Variants in EYA4 observed in about 807,000 individuals in gnomAD.
EYA4 encodes the protein EYA transcriptional coactivator and phosphatase 4.
EYA4 carries 31 observed loss-of-function variants against 87.9 expected under a neutral mutation model. The observed-to-expected ratio is 0.35, with a 90% confidence interval of 0.27 to 0.48. EYA4 has a LOEUF of 0.48. EYA4 is among the 20% of genes least tolerant of loss of function. The pLI, the probability that EYA4 is intolerant of heterozygous loss-of-function variation, is 0.99. For synonymous variants in EYA4, 263 were observed against 270.6 expected (o/e 0.97, Z 0.28); for missense variants, 678 against 761.4 (o/e 0.89, Z 1.29).
chr6:133,300,718 T>C (rs973779810), intron 2 of EYA4, among the ~76,000 whole-genome samples: 5 of 152,142 alleles, frequency 3.3e-5, no homozygotes, highest in Admixed American at 2.6e-4. Context: ...TTTCACCATT[T>C]TGGGCAGGCA....
At chr6:133,383,787 C>G (rs1193966875) in intron 3 of EYA4, among the ~76,000 whole-genome samples, 3 of 152,004 alleles carry the variant, frequency 2.0e-5, no homozygotes, top group Non-Finnish European at 4.4e-5. Flanking sequence ...CAAAATGGAA[C>G]TAACTAATTT....
At chr6:133,252,217 T>A (rs1277754263) in intron 1 of EYA4, among the ~76,000 whole-genome samples, 1 of 152,246 alleles carries the variant, frequency 6.6e-6, no homozygotes, top group African/African-American at 2.4e-5. Context: ...ACTTTTATTT[T>A]ATTTAGTCTG....
intron 3 of EYA4, among the ~76,000 whole-genome samples, chr6:133,395,262 G>C (rs955353252): frequency 5.4e-5 from 8 of 147,558 alleles, no homozygotes; most frequent in Non-Finnish European, 3.0e-5. Flanking sequence ...ATCCAGGTCA[G>C]GTACCTAGCA....
At position 133,531,944 on chromosome 6, in the gene EYA4, G is replaced by A. The variant is rs1490747619; in HGVS notation, c.*3139G>A. Reference sequence around the variant, plus strand: ...AAGTTGCACTTTGACTCCCAACTACGGTAGCATTATGGACATCTCACAATG... The same window carrying A: ...AAGTTGCACTTTGACTCCCAACTACAGTAGCATTATGGACATCTCACAATG... On this transcript the variant is annotated 3_prime_UTR_variant, in exon 20 of 20. Transcript: ENST00000355286. The A allele has an allele frequency of 2.6e-5, 4 of 151,914 alleles. No individual in the cohort carries two copies. Among genetic ancestry groups the A allele is most frequent in the Non-Finnish European group, 4.4e-5 (3 of 67,990 alleles). 9.4% of individuals were successfully genotyped at this position (151,914 alleles called of 1,614,324 possible).
In EYA4 at chr6:133,485,105, T is replaced by C. The variant is rs114598288; in HGVS notation, c.1191+1990T>C. ...CTCATAAACTGGCTTTAAGAGCAATTCCAAAAGCAAAGTTCAACTTCTCTC... is the reference window on the plus strand; with the variant it reads ...CTCATAAACTGGCTTTAAGAGCAATCCCAAAAGCAAAGTTCAACTTCTCTC... On this transcript the variant is annotated intron_variant, in intron 13 of 19. Transcript: ENST00000355286. 7.4e-3 allele frequency among the ~76,000 whole-genome samples: 1,122 copies of C among 152,266 alleles called. 18 individuals are homozygous for C. Among genetic ancestry groups the C allele is most frequent in the African/African-American group, 0.026 (1,073 of 41,542 alleles).
chr6:133,417,891 C>T (rs781646214), intron 3 of EYA4, among the ~76,000 whole-genome samples: 4 of 152,296 alleles, frequency 2.6e-5, no homozygotes, highest in South Asian at 2.1e-4. Context: ...CCCTTTCACT[C>T]ACCCCAAGCA....
At chr6:133,476,856 CCCATCCAAAATCTCATCTTGAATTGTAAT>C (rs899197662) in intron 11 of EYA4, among the ~76,000 whole-genome samples, 5 of 151,936 alleles carry the variant, frequency 3.3e-5, no homozygotes, top group African/African-American at 1.2e-4. Context: ...TGGTGGTGTC[CCCATCCAAAATCTCATCTTGAATTGTAAT>C]CCCCCTAATG....
rs550312893 is a variant in EYA4, at chr6:133,302,374, G to T, written c.33+27561G>T. The stretch of plus-strand genomic sequence containing the variant: ...AAGTCCTTAGGGGATAGGAAGAGAT[G>T]AAAAGGTTTAAGTGCCTGGGATTTC... On this transcript the variant is annotated intron_variant, in intron 2 of 19. Coordinates refer to ENST00000355286, the MANE Select transcript of EYA4 (RefSeq NM_004100.5). Among the ~76,000 whole-genome samples the T allele has an allele frequency of 3.9e-5, 6 of 152,228 alleles. No homozygotes were observed. The East Asian group carries it at 7.7e-4, about 20-fold the overall frequency.
At chr6:133,355,550 G>C (rs1305196124) in intron 2 of EYA4, among the ~76,000 whole-genome samples, 1 of 152,094 alleles carries the variant, frequency 6.6e-6, no homozygotes, top group Non-Finnish European at 1.5e-5. Context: ...TGGAGCTAGA[G>C]GCCACTATCC....
At chr6:133,432,095 G>A (rs1791235855) in intron 3 of EYA4, among the ~76,000 whole-genome samples, 1 of 151,618 alleles carries the variant, frequency 6.6e-6, no homozygotes, top group Non-Finnish European at 1.5e-5. Context: ...AGTCAGTGGT[G>A]CCTCCCACCT....
intron 13 of EYA4, among the ~76,000 whole-genome samples, chr6:133,495,968 A>G (rs943004890): frequency 6.6e-6 from 1 of 152,230 alleles, no homozygotes; most frequent in Non-Finnish European, 1.5e-5. Flanking sequence ...ATGGTCAAAT[A>G]TATTTAGGGA....
intron 13 of EYA4, among the ~76,000 whole-genome samples, chr6:133,503,438 T>A (rs1449065300): frequency 6.6e-6 from 1 of 152,176 alleles, no homozygotes; most frequent in East Asian, 1.9e-4. Context: ...ACCTTTTAAA[T>A]CAGATATTTC....
chr6:133,483,654 T>C (rs1796425068), intron 13 of EYA4, among the ~76,000 whole-genome samples: 1 of 150,442 alleles, frequency 6.6e-6, no homozygotes, highest in Non-Finnish European at 1.5e-5. Context: ...TGCCTTTCTC[T>C]CTTGCTATTG....
intron 13 of EYA4, among the ~76,000 whole-genome samples, chr6:133,492,262 G>C (rs957042364): frequency 5.3e-5 from 8 of 152,154 alleles, no homozygotes; most frequent in Non-Finnish European, 1.2e-4. Context: ...AATTCATCAT[G>C]ACCCAAGTGG....
intron 11 of EYA4, among the ~76,000 whole-genome samples, chr6:133,474,234 G>A (rs949508331): frequency 1.3e-5 from 2 of 151,916 alleles, no homozygotes; most frequent in Non-Finnish European, 2.9e-5. Flanking sequence ...ACTCAGATAC[G>A]GTATATGCTA....
chr6:133,411,563 CTA>C (rs34929281), intron 3 of EYA4, among the ~76,000 whole-genome samples: 1 of 151,034 alleles, frequency 6.6e-6, no homozygotes. Context: ...ATCTGTCTAT[CTA>C]TATATATATA....
intron 3 of EYA4, among the ~76,000 whole-genome samples, chr6:133,403,449 T>C (rs1562379553): frequency 6.6e-6 from 1 of 152,194 alleles, no homozygotes; most frequent in African/African-American, 2.4e-5. Flanking sequence ...ATCTTTCTCA[T>C]TTTGCTCTAA....
rs545419920 is a variant in EYA4, at chr6:133,531,476, C to G, written c.*2671C>G. On this transcript the variant is annotated 3_prime_UTR_variant, in exon 20 of 20. Transcript: ENST00000355286. ...TGGAATATTGTGCCTTATTGTAAAC[C>G]AGTTTGAAAAATGTTCTGTAACTAA... The G allele has an allele frequency of 2.2e-6, 1 of 462,796 alleles. No individual in the cohort carries two copies. Among genetic ancestry groups the G allele is most frequent in the East Asian group, 3.3e-5 (1 of 30,136 alleles). 28.7% of individuals were successfully genotyped at this position (462,796 alleles called of 1,614,324 possible).
intron 3 of EYA4, among the ~76,000 whole-genome samples, chr6:133,412,503 A>C (rs142467526): frequency 1.3e-5 from 2 of 152,096 alleles, no homozygotes; most frequent in Non-Finnish European, 2.9e-5. Flanking sequence ...GTATAAATGG[A>C]ATTTCGTGTA....
Sources: gnomAD v4.1 joint callset for allele counts (sites outside exome capture counted in the v4.1 genomes callset) on GRCh38, gnomAD v4.1.1 for gene constraint, MANE v1.5 for transcripts, NCBI Gene and HGNC (gene_info 2026-07-23, HGNC 2026-07-21) for gene names.